ANXA8: variants seen among roughly 807,000 people sequenced by gnomAD.
ANXA8 encodes VAC-beta.
In ANXA8, 9 loss-of-function variants were observed where a neutral mutation model predicts 26.8. That is an observed-to-expected ratio of 0.34 (90% CI 0.20 to 0.59). The LOEUF (loss-of-function observed/expected upper bound fraction) is 0.59. Ranked by LOEUF, ANXA8 falls within the 20% of genes least tolerant of loss-of-function variation. The probability of loss-of-function intolerance (pLI) is 0.84; values close to 1 mark genes in which losing one functional copy is unlikely to be tolerated. For missense variants in ANXA8, 83 were observed against 238.5 expected, an observed-to-expected ratio of 0.35 and a Z score of 4.29; for synonymous variants, 39 against 94.8, an observed-to-expected ratio of 0.41 and a Z score of 3.42.
At chr10:47,671,249 C>T in the ANXA8 span, among the ~76,000 whole-genome samples, 1 of 151,614 alleles carries the variant, frequency 6.6e-6, no homozygotes, top group Admixed American at 6.6e-5. Context: ...ATGGTGAAAC[C>T]CCATCTCTAC....
chr10:47,706,752 G>T, the ANXA8 span: 20 of 1,420,312 alleles, frequency 1.4e-5, 1 homozygote, highest in Non-Finnish European at 1.8e-5. Context: ...CATGCTCGGT[G>T]ATGTGATTCT....
chr10:47,567,869 T>C, the ANXA8 span: 1 of 381,256 alleles, frequency 2.6e-6, no homozygotes, highest in Non-Finnish European at 4.9e-6. Flanking sequence ...GCATCACACG[T>C]TTTTCTAATA....
the ANXA8 span, among the ~76,000 whole-genome samples, chr10:47,948,905 C>T: frequency 6.6e-6 from 1 of 150,978 alleles, no homozygotes; most frequent in South Asian, 2.1e-4. Flanking sequence ...GACTGACTCT[C>T]CTGCAAGTAA....
chr10:47,557,036 T>C, the ANXA8 span, among the ~76,000 whole-genome samples: 1 of 119,480 alleles, frequency 8.4e-6, no homozygotes. Flanking sequence ...AGATGGAGTC[T>C]CACTCTGTCA....
chr10:47,515,813 C>G, the ANXA8 span, among the ~76,000 whole-genome samples: 14 of 125,564 alleles, frequency 1.1e-4, 3 homozygotes, highest in African/African-American at 4.1e-4. Context: ...ACACTGAGGT[C>G]TCCCAAATGA....
the ANXA8 span, chr10:47,750,880 T>C: frequency 5.3e-5 from 8 of 151,818 alleles, no homozygotes; most frequent in African/African-American, 1.7e-4. Flanking sequence ...CCTGCTGGTT[T>C]CTATTACAAG....
the ANXA8 span, among the ~76,000 whole-genome samples, chr10:47,552,257 G>A: frequency 1.8e-4 from 27 of 151,680 alleles, no homozygotes; most frequent in Non-Finnish European, 3.1e-4. Context: ...GTACTTTTCA[G>A]CCATTTAGCC....
chr10:47,775,320 C>T, the ANXA8 span, among the ~76,000 whole-genome samples: 2 of 147,876 alleles, frequency 1.4e-5, no homozygotes, highest in Non-Finnish European at 3.0e-5. Flanking sequence ...TTGCAGTGAG[C>T]CGAGATTGCG....
the ANXA8 span, among the ~76,000 whole-genome samples, chr10:47,898,811 A>ATTTTTTTTTTTTTTTTTTT: frequency 1.8e-5 from 1 of 56,262 alleles, no homozygotes; most frequent in African/African-American, 8.6e-5. Flanking sequence ...AAGAGAATGG[A>ATTTTTTTTTTTTTTTTTTT]TTTTTTTTTT....
the ANXA8 span, among the ~76,000 whole-genome samples, chr10:47,984,655 G>A: frequency 7.9e-6 from 1 of 125,814 alleles, no homozygotes; most frequent in African/African-American, 3.0e-5. Context: ...TTATAATTTT[G>A]CCCCTGGAAG....
chr10:47,526,215 G>T, the ANXA8 span, among the ~76,000 whole-genome samples: 3 of 124,938 alleles, frequency 2.4e-5, no homozygotes, highest in Non-Finnish European at 3.3e-5. Context: ...TCTCATTCAA[G>T]TGCCTAAGCC....
At chr10:47,752,998 C>G in the ANXA8 span, 1 of 134,440 alleles carries the variant, frequency 7.4e-6, no homozygotes, top group African/African-American at 2.8e-5. Context: ...ATCCCAGCTA[C>G]TTGGGAGGCT....
chr10:47,646,806 G>C, the ANXA8 span, among the ~76,000 whole-genome samples: 1 of 151,900 alleles, frequency 6.6e-6, no homozygotes, highest in Non-Finnish European at 1.5e-5. Flanking sequence ...TTTCTCTGCT[G>C]TTAAAATTTG....
the ANXA8 span, among the ~76,000 whole-genome samples, chr10:47,716,561 C>A: frequency 8.7e-6 from 1 of 114,652 alleles, no homozygotes; most frequent in Non-Finnish European, 1.7e-5. Flanking sequence ...AAAACAAAGA[C>A]AATACCTCTC....
the ANXA8 span, among the ~76,000 whole-genome samples, chr10:47,510,943 T>A: frequency 6.3e-3 from 806 of 127,448 alleles, 16 homozygotes; most frequent in African/African-American, 0.015. Flanking sequence ...TTAATTTATT[T>A]ATTTATTTAT....
the ANXA8 span, among the ~76,000 whole-genome samples, chr10:47,946,221 T>A: frequency 1.3e-5 from 2 of 148,710 alleles, 1 homozygote; most frequent in African/African-American, 5.1e-5. Context: ...CAACATTCAG[T>A]TCAAATATCA....
At chr10:47,901,080 TA>T in the ANXA8 span, among the ~76,000 whole-genome samples, 1 of 142,334 alleles carries the variant, frequency 7.0e-6, no homozygotes, top group East Asian at 2.1e-4. Flanking sequence ...AAAAAAGATG[TA>T]AGAGTTGACA....
the ANXA8 span, among the ~76,000 whole-genome samples, chr10:47,647,391 A>G: frequency 7.5e-4 from 114 of 151,164 alleles, no homozygotes; most frequent in East Asian, 0.018. Context: ...ATGATATCAT[A>G]TTATATTTCT....
chr10:47,600,376 G>C, the ANXA8 span, among the ~76,000 whole-genome samples: 1 of 149,236 alleles, frequency 6.7e-6, no homozygotes, highest in African/African-American at 2.5e-5. Context: ...GCCCCACCCC[G>C]GGGCGGCCTG....
Sources: allele counts gnomAD v4.1 joint callset (sites outside exome capture counted in the v4.1 genomes callset), GRCh38; gene constraint gnomAD v4.1.1; transcripts MANE v1.5; gene names NCBI Gene and HGNC (gene_info 2026-07-23, HGNC 2026-07-21).